The following IFI44 variants were observed in gnomAD, a reference collection of about 807,000 sequenced individuals.
IFI44 encodes the protein interferon-induced protein 44.
In IFI44, 42 loss-of-function variants were observed where a neutral mutation model predicts 45.0. The ratio of observed to expected loss-of-function variants is 0.93; its 90% CI spans 0.73 to 1.21. The LOEUF (loss-of-function observed/expected upper bound fraction) is 1.21. Ranked by LOEUF, IFI44 falls within the 50% of genes most tolerant of loss-of-function variation. The pLI, the probability that IFI44 is intolerant of heterozygous loss-of-function variation, is 0.00. For missense variants in IFI44, 623 were observed against 525.8 expected, an observed-to-expected ratio of 1.18 and a Z score of -1.81; for synonymous variants, 221 against 188.6, an observed-to-expected ratio of 1.17 and a Z score of -1.41.
intron 7 of IFI44, among the ~76,000 whole-genome samples, chr1:78,662,198 T>C (rs1008243024): frequency 2.6e-5 from 4 of 152,172 alleles, no homozygotes; most frequent in African/African-American, 9.7e-5. Flanking sequence ...TCTTAATCAG[T>C]CCTTATAACA....
At chr1:78,656,882 A>T (rs1647222986) in intron 5 of IFI44, among the ~76,000 whole-genome samples, 1 of 151,364 alleles carries the variant, frequency 6.6e-6, no homozygotes, top group Admixed American at 6.6e-5. Flanking sequence ...TTCTTTTTTA[A>T]ATACAAACTT....
At chr1:78,655,334 T>C (rs780366913) in intron 4 of IFI44, 28 bp from the exon 5 acceptor site, 4 of 1,573,106 alleles carry the variant, frequency 2.5e-6, no homozygotes, top group South Asian at 2.4e-5. Context: ...AAAATGAATC[T>C]TTAAAATTGC....
In IFI44 at chr1:78,659,372, A is replaced by G. The variant is rs1392077215; in HGVS notation, c.901A>G (p.Lys301Glu). 1.2e-6 allele frequency: 2 copies of G among 1,613,376 alleles called. No individual in the cohort carries two copies. Among genetic ancestry groups the G allele is most frequent in the South Asian group, 2.2e-5 (2 of 91,072 alleles). The change falls in exon 6 of 9, where the codon AAG becomes GAG. Residue 301 changes from lysine (K) to glutamate (E), a missense_variant. Transcript: ENST00000370747. ...HHDYIDSPSL[K>E]DRIHCVAFVF... ...TGACTACATTGATTCCCCATCGCTG[A>G]AGGACAGAATTCATTGTGTGGCATT...
intron 6 of IFI44, 61 bp downstream of exon 6, chr1:78,659,544 T>C: frequency 7.6e-7 from 1 of 1,314,712 alleles, no homozygotes; most frequent in African/African-American, 1.5e-5. Flanking sequence ...TAGACTGTAT[T>C]TTAGAATGCT....
At chr1:78,655,307 A>G (rs1175082870) in intron 4 of IFI44, 55 bp from the exon 5 acceptor site, 1 of 1,559,622 alleles carries the variant, frequency 6.4e-7, no homozygotes, top group South Asian at 1.2e-5. Context: ...TATAGACTTC[A>G]TCTCAATTTA....
At chr1:78,663,174 G>A (rs774345728) in intron 8 of IFI44, 16 of 984,964 alleles carry the variant, frequency 1.6e-5, no homozygotes, top group Non-Finnish European at 1.9e-5. Flanking sequence ...CTGTATCCCT[G>A]GCCTCTTTTC....
intron 5 of IFI44, among the ~76,000 whole-genome samples, chr1:78,655,979 T>A (rs897803443): frequency 7.9e-5 from 12 of 152,278 alleles, no homozygotes; most frequent in African/African-American, 2.2e-4. Flanking sequence ...GTCATGAAGA[T>A]AGAGACCTCA....
intron 2 of IFI44, among the ~76,000 whole-genome samples, chr1:78,652,068 G>A (rs753912351): frequency 6.6e-6 from 1 of 151,962 alleles, no homozygotes; most frequent in Admixed American, 6.6e-5. Flanking sequence ...AGGCAAGCAT[G>A]CCCCCTTAAT....
intron 5 of IFI44, among the ~76,000 whole-genome samples, chr1:78,658,952 C>T (rs1047878268): frequency 1.3e-5 from 2 of 152,116 alleles, no homozygotes; most frequent in South Asian, 2.1e-4. Flanking sequence ...TCCCTCCTTG[C>T]GCTCTGCTTG....
intron 6 of IFI44, among the ~76,000 whole-genome samples, chr1:78,660,179 A>G (rs2100469203): frequency 6.6e-6 from 1 of 152,282 alleles, no homozygotes; most frequent in East Asian, 1.9e-4. Flanking sequence ...TTTCTTGAGG[A>G]TTCTTCTCCC....
rs115019211 is a variant in IFI44 at position 78,659,361 on chromosome 1, C to A, written c.890C>A (p.Ser297Tyr). 1.2e-6 allele frequency: 2 copies of A among 1,613,088 alleles called. No individual in the cohort carries two copies. The highest frequency in any genetic ancestry group is 1.7e-6 in the Non-Finnish European group (2 of 1,179,306). Reference sequence around the variant, plus strand: ...TTAAATCATCATGACTACATTGATTCCCCATCGCTGAAGGACAGAATTCAT... The same window carrying A: ...TTAAATCATCATGACTACATTGATTACCCATCGCTGAAGGACAGAATTCAT... The part of the protein sequence containing the change: ...IKLNHHDYID[S>Y]PSLKDRIHCV... The change falls in exon 6 of 9, where the codon TCC becomes TAC. Residue 297 changes from serine to tyrosine, a missense_variant. Ser to Tyr is a moderately radical substitution (Grantham distance 144, BLOSUM62 -2). Transcript: ENST00000370747.
At chr1:78,663,172 C>T (rs2100482487) in intron 8 of IFI44, 4 of 985,210 alleles carry the variant, frequency 4.1e-6, no homozygotes, top group East Asian at 1.1e-4. Flanking sequence ...AGCTGTATCC[C>T]TGGCCTCTTT....
intron 3 of IFI44, 52 bp from the exon 4 acceptor site, chr1:78,654,962 G>A: frequency 2.3e-6 from 3 of 1,293,818 alleles, no homozygotes; most frequent in South Asian, 4.0e-5. Context: ...TTTATAATAA[G>A]GTTTTGCGAC....
At position 78,654,229 on chromosome 1, in the gene IFI44, G is replaced by A. The variant is rs780931284; in HGVS notation, c.458-14G>A. 4 of 1,421,964 alleles carry A rather than the reference G, an allele frequency of 2.8e-6. No individual in the cohort carries two copies. The Admixed American group carries it at 6.8e-5, about 24-fold the overall frequency. The allele number at this position is 1,421,964 out of a possible 1,614,324, so 88.1% of individuals were successfully genotyped here. A position where few individuals can be genotyped will look rare whatever the true frequency, so the allele number is the denominator to read the frequency against. On this transcript the variant is annotated splice_polypyrimidine_tract_variant and intron_variant, in intron 2 of 8. Coordinates refer to ENST00000370747, the MANE Select transcript of IFI44 (RefSeq NM_006417.5). ...CAACTTCTAATCTACATTATTCTTT[G>A]ATTATTTCCCCAGATTCACTGGATG...
rs1647103226 is a variant in IFI44 at position 78,650,403 on chromosome 1, C to T, written c.208C>T (p.Gln70Ter). The change falls in exon 2 of 9, where the codon CAG becomes TAG. Residue 70 changes from glutamine (Q) to a stop codon, truncating the protein, a stop_gained. Transcript: ENST00000370747. LOFTEE classifies it high-confidence loss of function. ...IIGAYAEESY[Q>*]EGKYASIILF... ...TGGAGCATATGCAGAAGAGAGTTAC[C>T]AGGAAGGAAAGTATGCTTCCATCAT... 6.2e-7 allele frequency: 1 copy of T among 1,613,760 alleles called. No homozygotes were observed. Among genetic ancestry groups the T allele is most frequent in the Non-Finnish European group, 8.5e-7 (1 of 1,179,864 alleles).
At chr1:78,654,097 A>G (rs1647166941) in intron 2 of IFI44, 146 bp from the exon 3 acceptor site, 1 of 641,326 alleles carries the variant, frequency 1.6e-6, no homozygotes, top group Admixed American at 2.9e-5. Context: ...GCTCTACAAA[A>G]TTGCTCCCTT....
intron 7 of IFI44, 127 bp from the exon 8 acceptor site, chr1:78,662,577 T>G: frequency 1.5e-6 from 1 of 686,042 alleles, no homozygotes; most frequent in East Asian, 2.7e-5. Flanking sequence ...TGAGACCAGA[T>G]CTCCATTTTT....
At chr1:78,651,630 G>A (rs768120807) in intron 2 of IFI44, among the ~76,000 whole-genome samples, 4 of 152,196 alleles carry the variant, frequency 2.6e-5, no homozygotes, top group Non-Finnish European at 4.4e-5. Context: ...ATGCTGTACA[G>A]TAGATCTCTG....
intron 5 of IFI44, among the ~76,000 whole-genome samples, chr1:78,659,099 G>A (rs1647308519): frequency 6.6e-6 from 1 of 151,932 alleles, no homozygotes; most frequent in South Asian, 2.1e-4. Context: ...CAGATTACAT[G>A]TCCTTTCCTC....
Sources: gnomAD v4.1 joint callset for allele counts (sites outside exome capture counted in the v4.1 genomes callset) on GRCh38, gnomAD v4.1.1 for gene constraint, MANE v1.5 for transcripts, NCBI Gene and HGNC (gene_info 2026-07-23, HGNC 2026-07-21) for gene names.